CNTN6: variants seen among roughly 807,000 people sequenced by gnomAD.
CNTN6 encodes contactin-6.
A neutral mutation model predicts 122.8 loss-of-function variants in CNTN6; 137 were observed. That is an observed-to-expected ratio of 1.12 (90% CI 0.97 to 1.29). The LOEUF (loss-of-function observed/expected upper bound fraction) is 1.29. Among genes scored for constraint, CNTN6 ranks in the 50% most tolerant of loss-of-function variants. CNTN6 has a pLI of 0.00. For missense variants in CNTN6, 1,634 were observed against 1,223.4 expected (o/e 1.34, Z -5.01); for synonymous variants, 570 against 426.0 (o/e 1.34, Z -4.16).
chr3:1,253,041 GTCCTATGTGCGTGT>G (rs1478652105), intron 4 of CNTN6, among the ~76,000 whole-genome samples: 1 of 152,174 alleles, frequency 6.6e-6, no homozygotes, highest in Non-Finnish European at 1.5e-5. Context: ...GACAGGTAGA[GTCCTATGTGCGTGT>G]TCTAATCTAG....
chr3:1,383,820 G>T (rs544956732), intron 19 of CNTN6, among the ~76,000 whole-genome samples: 1 of 152,174 alleles, frequency 6.6e-6, no homozygotes, highest in Non-Finnish European at 1.5e-5. Flanking sequence ...AAATTAATGG[G>T]TGAGTTAGTT....
At chr3:1,125,203 C>T (rs1259854464) in intron 1 of CNTN6, among the ~76,000 whole-genome samples, 2 of 151,914 alleles carry the variant, frequency 1.3e-5, no homozygotes, top group Non-Finnish European at 2.9e-5. Flanking sequence ...CTTTACTTAT[C>T]TGTCTTGGCC....
At chr3:1,382,884 T>C (rs1692124956) in intron 17 of CNTN6, 58 bp from the exon 18 acceptor site, 10 of 1,100,204 alleles carry the variant, frequency 9.1e-6, no homozygotes, top group East Asian at 2.4e-5. Context: ...ATAAACATTA[T>C]AGTAGCTTAA....
At chr3:1,174,027 A>G (rs1003239630) in intron 2 of CNTN6, among the ~76,000 whole-genome samples, 17 of 152,206 alleles carry the variant, frequency 1.1e-4, no homozygotes, top group African/African-American at 4.1e-4. Flanking sequence ...CACCAGTAAT[A>G]GAAAACTCTA....
chr3:1,312,991 TTAAA>T (rs1475815590), intron 7 of CNTN6, among the ~76,000 whole-genome samples: 15 of 151,664 alleles, frequency 9.9e-5, no homozygotes, highest in Admixed American at 5.3e-4. Context: ...TCAATTCATG[TTAAA>T]TAATGATAAA....
At chr3:1,208,869 T>G (rs2093994406) in intron 2 of CNTN6, among the ~76,000 whole-genome samples, 1 of 152,200 alleles carries the variant, frequency 6.6e-6, no homozygotes, top group African/African-American at 2.4e-5. Context: ...GTCAGCTTCT[T>G]GAATGTAATC....
chr3:1,321,601 G>T (rs1489835309), intron 7 of CNTN6, 49 bp from the exon 8 acceptor site: 1 of 1,470,400 alleles, frequency 6.8e-7, no homozygotes, highest in Non-Finnish European at 9.2e-7. Context: ...TTATTTTGCT[G>T]TCATAAAGAT....
At chr3:1,376,771 T>C (rs1264321145) in intron 16 of CNTN6, among the ~76,000 whole-genome samples, 1 of 152,140 alleles carries the variant, frequency 6.6e-6, no homozygotes, top group Non-Finnish European at 1.5e-5. Flanking sequence ...TACCCGATGT[T>C]ACTCAATTTT....
In CNTN6 at chr3:1,297,919, A is replaced by G; in HGVS notation, c.689A>G (p.Glu230Gly). Reference sequence around the variant, plus strand: ...ATGGGGGAATATGAACCAAAGATTGAAGTGCGTTTTCCTGAAACTATACAA... The same window carrying G: ...ATGGGGGAATATGAACCAAAGATTGGAGTGCGTTTTCCTGAAACTATACAA... ...GVMGEYEPKI[E>G]VRFPETIQAA... The change falls in exon 7 of 23, where the codon GAA becomes GGA. Residue 230 changes from glutamate to glycine, a missense_variant. Coordinates refer to ENST00000446702, the MANE Select transcript of CNTN6 (RefSeq NM_001289080.2). The G allele has an allele frequency of 6.2e-7, 1 of 1,612,880 alleles. No individual in the cohort carries two copies. Among genetic ancestry groups the G allele is most frequent in the South Asian group, 1.1e-5 (1 of 90,488 alleles).
chr3:1,221,801 CTT>C (rs1324828767), intron 3 of CNTN6, among the ~76,000 whole-genome samples: 1 of 152,082 alleles, frequency 6.6e-6, no homozygotes, highest in Admixed American at 6.6e-5. Context: ...ACATATTAAA[CTT>C]TTGTAGCTTT....
At chr3:1,271,964 A>G (rs3772323) in intron 4 of CNTN6, among the ~76,000 whole-genome samples, 24,947 of 152,106 alleles carry the variant, frequency 0.16, 2,346 homozygotes, top group South Asian at 0.31. Context: ...CCCACATGTC[A>G]TGGGAGGGAC....
intron 1 of CNTN6, among the ~76,000 whole-genome samples, chr3:1,131,490 G>C (rs2092335385): frequency 6.6e-6 from 1 of 152,070 alleles, no homozygotes. Context: ...AGACAGGGAA[G>C]CAAATTAAAC....
intron 1 of CNTN6, among the ~76,000 whole-genome samples, chr3:1,141,564 G>C (rs770546833): frequency 2.4e-4 from 37 of 152,160 alleles, no homozygotes; most frequent in Non-Finnish European, 3.8e-4. Flanking sequence ...TACTTTTCCT[G>C]CTACCAATGT....
chr3:1,232,951 G>C (rs1046198101), intron 4 of CNTN6, among the ~76,000 whole-genome samples: 1 of 152,176 alleles, frequency 6.6e-6, no homozygotes, highest in Non-Finnish European at 1.5e-5. Context: ...CAATCTTCAA[G>C]TATCGAAGAA....
chr3:1,265,044 CTT>C (rs201949693), intron 4 of CNTN6, among the ~76,000 whole-genome samples: 8,004 of 100,762 alleles, frequency 0.079, 691 homozygotes, highest in African/African-American at 0.26. Context: ...ACCGAATTTC[CTT>C]TTTTTTTTTT....
intron 1 of CNTN6, among the ~76,000 whole-genome samples, chr3:1,106,213 C>T (rs72995713): frequency 0.065 from 9,852 of 152,084 alleles, 422 homozygotes; most frequent in Non-Finnish European, 0.09. Context: ...ATGTTACAGA[C>T]AGGTAAAGTA....
chr3:1,385,443 ATAAC>A (rs1218118844), intron 19 of CNTN6, among the ~76,000 whole-genome samples, 164 bp from the exon 20 acceptor site: 4 of 152,234 alleles, frequency 2.6e-5, no homozygotes, highest in African/African-American at 9.6e-5. Flanking sequence ...ATATTAGAGA[ATAAC>A]AATTTTGTTG....
At chr3:1,222,111 G>A (rs1457455346) in intron 3 of CNTN6, among the ~76,000 whole-genome samples, 1 of 152,124 alleles carries the variant, frequency 6.6e-6, no homozygotes, top group African/African-American at 2.4e-5. Context: ...CAACAAAGGA[G>A]CTGAAAAACC....
At chr3:1,174,517 G>C (rs969614620) in intron 2 of CNTN6, among the ~76,000 whole-genome samples, 2 of 152,094 alleles carry the variant, frequency 1.3e-5, no homozygotes, top group Non-Finnish European at 2.9e-5. Context: ...ATATGACCCT[G>C]TAGACTGAAC....
Sources: gnomAD v4.1 joint callset for allele counts (sites outside exome capture counted in the v4.1 genomes callset) on GRCh38, gnomAD v4.1.1 for gene constraint, MANE v1.5 for transcripts, NCBI Gene and HGNC (gene_info 2026-07-23, HGNC 2026-07-21) for gene names.